CACNB2: variants seen among roughly 807,000 people sequenced by gnomAD.
CACNB2 encodes the protein calcium voltage-gated channel auxiliary subunit beta 2.
CACNB2 carries 42 observed loss-of-function variants against 73.3 expected under a neutral mutation model. That is an observed-to-expected ratio of 0.57 (90% CI 0.45 to 0.74). CACNB2 has a LOEUF of 0.74. Among genes scored for constraint, CACNB2 ranks in the 30% least tolerant of loss-of-function variants. The probability of loss-of-function intolerance (pLI) is 0.00; values close to 1 mark genes in which losing one functional copy is unlikely to be tolerated. For missense variants in CACNB2, 940 were observed against 853.0 expected (o/e 1.10, Z -1.27); for synonymous variants, 348 against 310.3 (o/e 1.12, Z -1.28).
rs114494341 is a variant in CACNB2, at chr10:18,542,261, G to A, written c.*2537G>A. ...TATATGAAAAAATTTCCCTCAGTTC[G>A]TTAATTAGCCCTACACTGTTTACAT... On this transcript the variant is annotated 3_prime_UTR_variant, in exon 14 of 14. Transcript: ENST00000324631. The A allele has an allele frequency of 5.0e-3, 756 of 152,126 alleles. 6 individuals carry two copies. The highest frequency in any genetic ancestry group is 0.017 in the African/African-American group (714 of 41,492). The allele number at this position is 152,126 out of a possible 1,614,324, so 9.4% of individuals were successfully genotyped here.
intron 2 of CACNB2, among the ~76,000 whole-genome samples, chr10:18,254,387 T>C (rs936097381): frequency 6.6e-6 from 1 of 152,184 alleles, no homozygotes; most frequent in Non-Finnish European, 1.5e-5. Context: ...GTGCATTCCA[T>C]GATTATTAGT....
At chr10:18,262,605 C>G (rs1036940371) in intron 2 of CACNB2, among the ~76,000 whole-genome samples, 1 of 152,082 alleles carries the variant, frequency 6.6e-6, no homozygotes, top group African/African-American at 2.4e-5. Context: ...ATAAGTGTTA[C>G]AAACTTTTTA....
chr10:18,425,209 C>A (rs1372032608), intron 3 of CACNB2, among the ~76,000 whole-genome samples: 2 of 151,940 alleles, frequency 1.3e-5, no homozygotes, highest in African/African-American at 4.8e-5. Context: ...TACAAGAGGA[C>A]TTTCTATATT....
intron 2 of CACNB2, among the ~76,000 whole-genome samples, chr10:18,331,632 T>C (rs2040811769): frequency 6.6e-6 from 1 of 152,062 alleles, no homozygotes; most frequent in East Asian, 1.9e-4. Context: ...TCCAGAACTG[T>C]TGGTTTGAAG....
intron 2 of CACNB2, among the ~76,000 whole-genome samples, chr10:18,219,499 A>G (rs1435095970): frequency 2.0e-5 from 3 of 152,166 alleles, no homozygotes; most frequent in African/African-American, 7.2e-5. Context: ...CTTTTACTGT[A>G]GTCCTGTTAA....
intron 2 of CACNB2, among the ~76,000 whole-genome samples, chr10:18,188,846 T>G (rs1385841091): frequency 6.6e-6 from 1 of 152,168 alleles, no homozygotes; most frequent in Non-Finnish European, 1.5e-5. Context: ...CTGTTAAGAC[T>G]GGGGACTAGT....
intron 2 of CACNB2, among the ~76,000 whole-genome samples, chr10:18,271,503 AC>A (rs1211326580): frequency 6.6e-6 from 1 of 152,188 alleles, no homozygotes; most frequent in Non-Finnish European, 1.5e-5. Flanking sequence ...TAAAAACACC[AC>A]CAGATTATTT....
At chr10:18,265,642 T>A (rs2037763559) in intron 2 of CACNB2, among the ~76,000 whole-genome samples, 1 of 152,218 alleles carries the variant, frequency 6.6e-6, no homozygotes, top group Non-Finnish European at 1.5e-5. Context: ...AATTTTGATA[T>A]AATCATTTAC....
intron 10 of CACNB2, among the ~76,000 whole-genome samples, chr10:18,530,409 C>T (rs1340507542): frequency 1.3e-5 from 2 of 150,234 alleles, no homozygotes; most frequent in African/African-American, 4.9e-5. Flanking sequence ...GATGGCTGGT[C>T]AGTGGTTGAG....
intron 2 of CACNB2, among the ~76,000 whole-genome samples, chr10:18,312,999 T>C (rs2799573): frequency 0.2 from 30,598 of 152,124 alleles, 4,033 homozygotes; most frequent in Non-Finnish European, 0.28. Flanking sequence ...ACTGACATCA[T>C]ATGGTTGTAA....
At chr10:18,439,600 C>T (rs777502331) in intron 3 of CACNB2, among the ~76,000 whole-genome samples, 10 of 152,204 alleles carry the variant, frequency 6.6e-5, no homozygotes, top group South Asian at 2.1e-4. Flanking sequence ...CCCCACCTCC[C>T]GCTATCACCT....
chr10:18,195,708 T>C (rs1425008671), intron 2 of CACNB2, among the ~76,000 whole-genome samples: 1 of 152,200 alleles, frequency 6.6e-6, no homozygotes, highest in African/African-American at 2.4e-5. Flanking sequence ...GATACCTGCA[T>C]TCGTTGATAA....
chr10:18,495,334 C>G (rs1346079821), intron 3 of CACNB2, among the ~76,000 whole-genome samples: 4 of 151,486 alleles, frequency 2.6e-5, no homozygotes, highest in Admixed American at 2.0e-4. Flanking sequence ...ATTCTCCTGT[C>G]TCAGCCTCCT....
intron 11 of CACNB2, 122 bp downstream of exon 11, chr10:18,534,349 A>ATGAT: frequency 1.1e-6 from 1 of 901,168 alleles, no homozygotes; most frequent in Non-Finnish European, 1.8e-6. Flanking sequence ...TTGAGGAGAC[A>ATGAT]TGATAGTCAA....
intron 3 of CACNB2, among the ~76,000 whole-genome samples, chr10:18,423,101 G>T (rs958744042): frequency 6.6e-6 from 1 of 151,706 alleles, no homozygotes; most frequent in African/African-American, 2.4e-5. Context: ...AATCCTAAAC[G>T]TTTGGAGGTC....
intron 4 of CACNB2, among the ~76,000 whole-genome samples, chr10:18,499,100 A>G (rs2050015891): frequency 6.6e-6 from 1 of 152,196 alleles, no homozygotes; most frequent in Admixed American, 6.5e-5. Context: ...TGGAGTCAAC[A>G]TTTATCAAAT....
At chr10:18,190,503 G>A (rs956523316) in intron 2 of CACNB2, among the ~76,000 whole-genome samples, 5 of 152,156 alleles carry the variant, frequency 3.3e-5, no homozygotes, top group Non-Finnish European at 5.9e-5. Flanking sequence ...AGAATTGAAT[G>A]CTCATAGCAT....
chr10:18,235,884 G>A (rs2131474172), intron 2 of CACNB2, among the ~76,000 whole-genome samples: 1 of 152,270 alleles, frequency 6.6e-6, no homozygotes, highest in Non-Finnish European at 1.5e-5. Context: ...TTAGATCGTA[G>A]GGGCAGATTT....
intron 3 of CACNB2, among the ~76,000 whole-genome samples, chr10:18,496,319 A>G (rs891349863): frequency 3.9e-5 from 6 of 152,132 alleles, no homozygotes; most frequent in African/African-American, 1.2e-4. Flanking sequence ...TGACTAGACC[A>G]TAGTAACATC....
Sources: allele counts gnomAD v4.1 joint callset (sites outside exome capture counted in the v4.1 genomes callset), GRCh38; gene constraint gnomAD v4.1.1; transcripts MANE v1.5; gene names NCBI Gene and HGNC (gene_info 2026-07-23, HGNC 2026-07-21).